Variants in SHPRH observed in about 807,000 individuals in gnomAD.
SHPRH encodes the protein E3 ubiquitin-protein ligase SHPRH.
In SHPRH, 106 loss-of-function variants were observed where a neutral mutation model predicts 202.5. The observed-to-expected ratio is 0.52, with a 90% CI of 0.45 to 0.62. The LOEUF is 0.62. Among genes scored for constraint, SHPRH ranks in the 20% least tolerant of loss-of-function variants. SHPRH has a pLI of 0.00. For synonymous variants in SHPRH, 729 were observed against 686.0 expected (o/e 1.06, Z -0.98); for missense variants, 1,710 against 2,020.0 (o/e 0.85, Z 2.94).
intron 24 of SHPRH, among the ~76,000 whole-genome samples, chr6:145,911,281 C>G (rs918238875): frequency 6.6e-6 from 1 of 152,052 alleles, no homozygotes; most frequent in Non-Finnish European, 1.5e-5. Flanking sequence ...GGATTACAAG[C>G]ACCTGCTGCC....
Position 145,867,184 on chromosome 6 carries a change from T to C in SHPRH, c.222-2693A>G, listed in dbSNP as rs117178416. Among the ~76,000 whole-genome samples the C allele has an allele frequency of 4.1e-3, 628 of 152,222 alleles. 17 individuals are homozygous for C. The East Asian group carries it at 0.071, about 17-fold the overall frequency. The stretch of plus-strand genomic sequence containing the variant: ...CACTTTTCTACTCTTCGTCACTCTC[T>C]GATCTCAGAAAGAACAGGTGCACTA... On this transcript the variant is annotated intron_variant, in intron 2 of 2. Coordinates refer to the SHPRH transcript ENST00000417762.
intron 14 of SHPRH, among the ~76,000 whole-genome samples, chr6:145,931,678 AC>A (rs1785465527): frequency 6.6e-6 from 1 of 151,872 alleles, no homozygotes; most frequent in African/African-American, 2.4e-5. Context: ...TTGGATTATT[AC>A]CTCTAACTCC....
At chr6:145,923,594 C>A (rs1411433197) in intron 18 of SHPRH, 49 bp downstream of exon 18, 2 of 1,581,106 alleles carry the variant, frequency 1.3e-6, no homozygotes, top group African/African-American at 1.4e-5. Context: ...ACAAGGATTT[C>A]TTTGCTTTTA....
Position 145,954,936 on chromosome 6 carries a change from T to A in SHPRH, c.387A>T (p.Leu129Phe). 1 of 1,613,850 alleles carries A rather than the reference T, an allele frequency of 6.2e-7. No individual in the cohort carries two copies. The highest frequency in any genetic ancestry group is 8.5e-7 in the Non-Finnish European group (1 of 1,179,900). ...LTLQLLPAQS[L>F]IENFSERSIT... Reference sequence around the variant, plus strand: ...TACTCCTTTCGGAAAAATTTTCAATTAAACTCTGTGCAGGAAGAAGCTGAA... The same window carrying A: ...TACTCCTTTCGGAAAAATTTTCAATAAAACTCTGTGCAGGAAGAAGCTGAA... Residue 129 changes from leucine to phenylalanine, a missense_variant, in exon 2 of 30, where the codon TTA becomes TTT. Transcript: ENST00000275233.
chr6:145,948,593 C>T (rs1787645606), intron 4 of SHPRH, among the ~76,000 whole-genome samples: 1 of 151,966 alleles, frequency 6.6e-6, no homozygotes, highest in Non-Finnish European at 1.5e-5. Flanking sequence ...TCCACATCAG[C>T]AAATAATAGG....
intron 6 of SHPRH, among the ~76,000 whole-genome samples, chr6:145,946,882 A>C (rs1275652199): frequency 2.0e-5 from 3 of 151,852 alleles, no homozygotes; most frequent in Non-Finnish European, 4.4e-5. Flanking sequence ...TTAACTACTG[A>C]CTTCATTTCA....
At chr6:145,907,495 T>C (rs1275435192) in intron 25 of SHPRH, 1 of 152,140 alleles carries the variant, frequency 6.6e-6, no homozygotes, top group African/African-American at 2.4e-5. Context: ...GCTTTCTCCT[T>C]AAATAAAAAT....
chr6:145,896,294 G>T (rs1031758486), intron 25 of SHPRH, among the ~76,000 whole-genome samples: 1 of 151,912 alleles, frequency 6.6e-6, no homozygotes, highest in African/African-American at 2.4e-5. Flanking sequence ...AAACAAGAGC[G>T]AAGAGAAAAT....
intron 2 of SHPRH, chr6:145,871,233 G>T (rs1334746216): frequency 6.6e-6 from 1 of 152,116 alleles, no homozygotes; most frequent in Non-Finnish European, 1.5e-5. Flanking sequence ...AAAAAATGAA[G>T]AGTATTTAAA....
Position 145,954,747 on chromosome 6 carries a change from T to C in SHPRH, c.576A>G (p.Leu192=), listed in dbSNP as rs372554285. Reference sequence around the variant, plus strand: ...AGAGTTTTATTCTTCTCTTCTTTTGTAGCCACCCCAAATCTTCTAACATTT... The same window carrying C: ...AGAGTTTTATTCTTCTCTTCTTTTGCAGCCACCCCAAATCTTCTAACATTT... The part of the protein sequence containing the change: ...SGEMLEDLGW[L]QKKRRIKLYQ... Residue 192 remains leucine, a synonymous_variant, in exon 2 of 30, where the codon CTA becomes CTG. Transcript: ENST00000275233. 5.4e-5 allele frequency: 87 copies of C among 1,609,510 alleles called. No homozygotes were observed. The highest frequency in any genetic ancestry group is 7.1e-5 in the Non-Finnish European group (84 of 1,178,862).
rs1780979841 is a variant in SHPRH, at chr6:145,886,052, T to C, written c.*639A>G. On this transcript the variant is annotated 3_prime_UTR_variant, in exon 30 of 30. Coordinates refer to ENST00000275233, the MANE Select transcript of SHPRH (RefSeq NM_001042683.3). Reference sequence around the variant, plus strand: ...GTTAACTGTTTACACTAACACCACTTTACACATAATAGAAATATGAATATT... The same window carrying C: ...GTTAACTGTTTACACTAACACCACTCTACACATAATAGAAATATGAATATT... 1 of 159,566 alleles carries C rather than the reference T, an allele frequency of 6.3e-6. No individual in the cohort carries two copies. 9.9% of individuals were successfully genotyped at this position (159,566 alleles called of 1,614,324 possible). A position where few individuals can be genotyped will look rare whatever the true frequency, so the allele number is the denominator to read the frequency against.
Position 145,943,695 on chromosome 6 carries a change from A to C in SHPRH, c.1686T>G (p.Pro562=). 1 of 1,613,852 alleles carries C rather than the reference A, an allele frequency of 6.2e-7. No homozygotes were observed. The highest frequency in any genetic ancestry group is 8.5e-7 in the Non-Finnish European group (1 of 1,179,890). ...PSDTSDDDDD[P]YYYYYKSRRN... is the part of the protein sequence containing the mutation. The stretch of plus-strand genomic sequence containing the variant: ...TCCTGGACTTATAATAATAATAGTA[A>C]GGATCATCATCATCATCAGAGGTGT... The change falls in exon 9 of 30, where the codon CCT becomes CCG. Residue 562 remains proline, a synonymous_variant. Transcript: ENST00000275233.
At chr6:145,952,831 G>A (rs1013017592) in intron 2 of SHPRH, among the ~76,000 whole-genome samples, 1 of 151,378 alleles carries the variant, frequency 6.6e-6, no homozygotes, top group Non-Finnish European at 1.5e-5. Context: ...GATTTCCCCA[G>A]AAGATTATGA....
chr6:145,905,660 T>G (rs1255337056), intron 25 of SHPRH: 1 of 152,106 alleles, frequency 6.6e-6, no homozygotes, highest in Non-Finnish European at 1.5e-5. Flanking sequence ...TGCTGCAAAT[T>G]CAAGTTCTGC....
At chr6:145,913,434 G>A (rs775381442) in intron 24 of SHPRH, 44 bp downstream of exon 24, 25 of 1,527,790 alleles carry the variant, frequency 1.6e-5, no homozygotes, top group Non-Finnish European at 2.2e-5. Context: ...TTTGAAAACT[G>A]TAAGGTATTT....
At chr6:145,919,248 A>C in intron 22 of SHPRH, 100 bp downstream of exon 22, 1 of 1,469,324 alleles carries the variant, frequency 6.8e-7, no homozygotes. Flanking sequence ...ATACACACTT[A>C]CAGTAGAGCT....
downstream of SHPRH, among the ~76,000 whole-genome samples, chr6:145,882,899 A>G (rs1780684126): frequency 6.6e-6 from 1 of 152,158 alleles, no homozygotes; most frequent in South Asian, 2.1e-4. Context: ...TCATTAGAAC[A>G]CTGGAAGGGT....
chr6:145,891,696 C>T (rs1304288999), intron 28 of SHPRH, among the ~76,000 whole-genome samples: 1 of 152,060 alleles, frequency 6.6e-6, no homozygotes, highest in African/African-American at 2.4e-5. Context: ...TATATGTTTC[C>T]CCTGTATGAG....
chr6:145,931,291 T>C (rs1785411531), intron 14 of SHPRH, among the ~76,000 whole-genome samples: 1 of 152,004 alleles, frequency 6.6e-6, no homozygotes, highest in Non-Finnish European at 1.5e-5. Flanking sequence ...TCTAATCATC[T>C]CATTTGTTTT....
Sources: gnomAD v4.1 joint callset for allele counts (sites outside exome capture counted in the v4.1 genomes callset) on GRCh38, gnomAD v4.1.1 for gene constraint, MANE v1.5 for transcripts, NCBI Gene and HGNC (gene_info 2026-07-23, HGNC 2026-07-21) for gene names.